Variants in CPPED1 observed in about 807,000 individuals in gnomAD.
The protein encoded by CPPED1 is serine/threonine-protein phosphatase CPPED1.
In CPPED1, 28 loss-of-function variants were observed where a neutral mutation model predicts 28.0. The observed-to-expected ratio is 1.00, with a 90% confidence interval of 0.74 to 1.37. The LOEUF (loss-of-function observed/expected upper bound fraction) is 1.37. Ranked by LOEUF, CPPED1 falls within the 40% of genes most tolerant of loss-of-function variation. The probability of loss-of-function intolerance (pLI) is 0.00; values close to 1 mark genes in which losing one functional copy is unlikely to be tolerated. For missense variants in CPPED1, 504 were observed against 416.5 expected (o/e 1.21, Z -1.83); for synonymous variants, 198 against 180.2 (o/e 1.10, Z -0.79).
chr16:12,751,129 T>C (rs1367604974), intron 2 of CPPED1, among the ~76,000 whole-genome samples: 1 of 151,876 alleles, frequency 6.6e-6, no homozygotes, highest in Non-Finnish European at 1.5e-5. Flanking sequence ...GTAATAAAAA[T>C]ATAGAGAGAT....
chr16:12,682,923 C>T lies in CPPED1; in HGVS notation c.716-17808G>A, dbSNP rs1444333106. 6.6e-6 allele frequency among the ~76,000 whole-genome samples: 1 copy of T among 152,242 alleles called. No individual in the cohort carries two copies. Among genetic ancestry groups the T allele is most frequent in the African/African-American group, 2.4e-5 (1 of 41,464 alleles). ...CTAGATTTCCATGCTCTATCTTAAA[C>T]ACAGCTGTCAGGACAAGAGGCTCAT... On this transcript the variant is annotated intron_variant, in intron 3 of 3. Transcript: ENST00000381774. The surrounding 1 kb of genome is among the most constrained non-coding windows in gnomAD (Gnocchi z 6.1).
intron 2 of CPPED1, among the ~76,000 whole-genome samples, chr16:12,728,576 G>A (rs1213612830): frequency 2.6e-5 from 4 of 151,984 alleles, no homozygotes; most frequent in African/African-American, 7.3e-5. Flanking sequence ...ATATACTAGC[G>A]ATCACTCATG....
intron 2 of CPPED1, among the ~76,000 whole-genome samples, chr16:12,746,876 C>T (rs976823536): frequency 4.0e-5 from 6 of 151,430 alleles, no homozygotes; most frequent in African/African-American, 1.5e-4. Context: ...AATGCAACCT[C>T]GAAAATGCTA....
chr16:12,774,848 G>A (rs763338486), intron 2 of CPPED1, among the ~76,000 whole-genome samples: 1 of 152,038 alleles, frequency 6.6e-6, no homozygotes, highest in East Asian at 1.9e-4. Context: ...TTGAGACAGG[G>A]TCTTGCTCTG....
intron 1 of CPPED1, among the ~76,000 whole-genome samples, chr16:12,799,764 G>C (rs2080648135): frequency 6.6e-6 from 1 of 152,176 alleles, no homozygotes; most frequent in African/African-American, 2.4e-5. Flanking sequence ...CACAAACCTG[G>C]GGTTCTCAGC....
At chr16:12,705,150 C>G in intron 2 of CPPED1, 101 bp from the exon 3 acceptor site, 1 of 1,272,770 alleles carries the variant, frequency 7.9e-7, no homozygotes, top group Non-Finnish European at 1.1e-6. Flanking sequence ...AAAGAGTAAT[C>G]TGGAAATCCA....
intron 2 of CPPED1, among the ~76,000 whole-genome samples, chr16:12,717,295 G>A (rs141078695): frequency 6.6e-5 from 10 of 152,222 alleles, no homozygotes; most frequent in African/African-American, 2.2e-4. Context: ...GCGGAGTCTC[G>A]CTTTGTCGCC....
rs59937544 is a variant in CPPED1, at chr16:12,670,434, T to G, written c.716-5319A>C. On this transcript the variant is annotated intron_variant, in intron 3 of 3. Transcript: ENST00000381774. The surrounding 1 kb of genome is among the most constrained non-coding windows in gnomAD (Gnocchi z 4.2). Reference sequence around the variant, plus strand: ...AGACACCCCACCCTCTAGGAAGTAGTGCATCTTTCTTCATCCCTTAGGTGT... The same window carrying G: ...AGACACCCCACCCTCTAGGAAGTAGGGCATCTTTCTTCATCCCTTAGGTGT... Among the ~76,000 whole-genome samples, 7,815 of 152,160 alleles carry G rather than the reference T, an allele frequency of 0.051. 620 individuals are homozygous for G. The highest frequency in any genetic ancestry group is 0.18 in the African/African-American group (7,345 of 41,458).
chr16:12,708,878 G>C (rs2080065436), intron 2 of CPPED1, among the ~76,000 whole-genome samples: 1 of 152,160 alleles, frequency 6.6e-6, no homozygotes, highest in Non-Finnish European at 1.5e-5. Context: ...TCAGGAGTTT[G>C]AGACCAGCCT....
chr16:12,742,154 T>C (rs2080259487), intron 2 of CPPED1, among the ~76,000 whole-genome samples: 1 of 152,124 alleles, frequency 6.6e-6, no homozygotes, highest in Non-Finnish European at 1.5e-5. Context: ...TATGTGGAAA[T>C]GACCATGATA....
intron 2 of CPPED1, among the ~76,000 whole-genome samples, chr16:12,733,518 G>A (rs1443076792): frequency 6.6e-6 from 1 of 152,010 alleles, no homozygotes; most frequent in East Asian, 1.9e-4. Context: ...CAGGTGATCC[G>A]CCCGCCTTGG....
At chr16:12,672,771 T>C (rs1005010716) in intron 3 of CPPED1, among the ~76,000 whole-genome samples, 2 of 152,138 alleles carry the variant, frequency 1.3e-5, no homozygotes, top group Non-Finnish European at 2.9e-5. Flanking sequence ...CCCAGCACTT[T>C]TGGAGGCCGA....
chr16:12,717,258 T>G (rs767957153), intron 2 of CPPED1, among the ~76,000 whole-genome samples: 8 of 152,150 alleles, frequency 5.3e-5, no homozygotes, highest in Non-Finnish European at 7.3e-5. Flanking sequence ...TCTATAAGAA[T>G]CCTATTGGGA....
At chr16:12,690,085 G>C (rs1407873367) in intron 3 of CPPED1, among the ~76,000 whole-genome samples, 6 of 152,114 alleles carry the variant, frequency 3.9e-5, no homozygotes, top group African/African-American at 1.4e-4. Context: ...TGTAGCTACG[G>C]TCTGCATTTT....
chr16:12,675,520 C>G (rs532157588), intron 3 of CPPED1, among the ~76,000 whole-genome samples: 2 of 152,194 alleles, frequency 1.3e-5, no homozygotes, highest in African/African-American at 4.8e-5. Context: ...GATTGGGACA[C>G]AGTCACTGTA....
At chr16:12,766,902 A>G (rs889539241) in intron 2 of CPPED1, among the ~76,000 whole-genome samples, 3 of 152,174 alleles carry the variant, frequency 2.0e-5, no homozygotes, top group Admixed American at 1.3e-4. Context: ...GGCCTCTACA[A>G]TCATGGTCTG....
In CPPED1 at chr16:12,803,296, C is replaced by T. The variant is rs144036876; in HGVS notation, c.70+411G>A. ...GTGAACAACCTTAATAAAACCGACA[C>T]CCTCTAACATGCACCGAACGCTTAT... is the stretch of plus-strand genomic sequence containing the variant. On this transcript the variant is annotated intron_variant, in intron 1 of 3. Transcript: ENST00000381774. Among the ~76,000 whole-genome samples the T allele has an allele frequency of 3.2e-3, 493 of 152,324 alleles. 3 individuals are homozygous for T. Among genetic ancestry groups the T allele is most frequent in the African/African-American group, 0.011 (475 of 41,574 alleles).
At position 12,717,633 on chromosome 16, in the gene CPPED1, C is replaced by T. The variant is rs563632488; in HGVS notation, c.290-12584G>A. ...TGAAATAGAGACAGACAGACACACA[C>T]ACACATAATAATAATTATTATTTTT... On this transcript the variant is annotated intron_variant, in intron 2 of 3. Coordinates refer to ENST00000381774, the MANE Select transcript of CPPED1 (RefSeq NM_018340.3). Among the ~76,000 whole-genome samples, 40 of 152,002 alleles carry T rather than the reference C, an allele frequency of 2.6e-4. No individual in the cohort carries two copies. In the South Asian group the frequency reaches 7.1e-3, roughly 27 times the overall value.
At chr16:12,708,622 T>C (rs1250083157) in intron 2 of CPPED1, among the ~76,000 whole-genome samples, 1 of 152,142 alleles carries the variant, frequency 6.6e-6, no homozygotes, top group Admixed American at 6.5e-5. Context: ...AATAAAAGAG[T>C]AAATCCTAGA....
Sources: gnomAD v4.1 joint callset for allele counts (sites outside exome capture counted in the v4.1 genomes callset) on GRCh38, gnomAD v4.1.1 for gene constraint, Gnocchi (gnomAD v3.1) non-coding constraint, MANE v1.5 for transcripts, NCBI Gene and HGNC (gene_info 2026-07-23, HGNC 2026-07-21) for gene names.